Variants in FOXP1 observed in about 807,000 individuals in gnomAD.
FOXP1 encodes forkhead box P1, also known as forkhead box protein P1.
FOXP1 carries 15 observed loss-of-function variants against 98.2 expected under a neutral mutation model. That is an observed-to-expected ratio of 0.15 (90% CI 0.10 to 0.24). The LOEUF (loss-of-function observed/expected upper bound fraction) is 0.24. Ranked by LOEUF, FOXP1 falls within the 10% of genes least tolerant of loss-of-function variation. The pLI is 1.00. For missense variants in FOXP1, 633 were observed against 848.5 expected (o/e 0.75, Z 3.15); for synonymous variants, 371 against 314.5 (o/e 1.18, Z -1.90).
At chr3:71,243,680 G>C (rs374828528) in intron 5 of FOXP1, among the ~76,000 whole-genome samples, 2 of 152,136 alleles carry the variant, frequency 1.3e-5, no homozygotes, top group Admixed American at 1.3e-4. Flanking sequence ...AAAATACATC[G>C]TTGCCAAACA....
chr3:71,513,572 T>C (rs1007915607), intron 2 of FOXP1, among the ~76,000 whole-genome samples: 3 of 152,110 alleles, frequency 2.0e-5, no homozygotes, highest in Admixed American at 1.3e-4. Context: ...TTAAAACTTA[T>C]AGCAGATCAA....
intron 7 of FOXP1, among the ~76,000 whole-genome samples, chr3:71,101,209 C>A (rs1351975279): frequency 6.6e-6 from 1 of 152,100 alleles, no homozygotes. Context: ...ATGACTGTGA[C>A]TAATAAGACC....
intron 3 of FOXP1, among the ~76,000 whole-genome samples, chr3:71,447,150 C>T (rs1269531922): frequency 6.6e-6 from 1 of 152,214 alleles, no homozygotes; most frequent in African/African-American, 2.4e-5. Context: ...TAAATAAATG[C>T]CAGTGATCAT....
chr3:70,975,800 T>G (rs960769316), intron 17 of FOXP1, among the ~76,000 whole-genome samples: 5 of 151,782 alleles, frequency 3.3e-5, no homozygotes, highest in Non-Finnish European at 5.9e-5. Flanking sequence ...CACCAAGAAA[T>G]CAAAAATGGG....
At chr3:71,278,674 AG>A (rs1288316228) in intron 5 of FOXP1, among the ~76,000 whole-genome samples, 2 of 152,146 alleles carry the variant, frequency 1.3e-5, no homozygotes, top group Non-Finnish European at 2.9e-5. Context: ...ACAGCTATGC[AG>A]GAGGCTGAAG....
At chr3:70,962,555 G>A (rs774641611) in intron 20 of FOXP1, among the ~76,000 whole-genome samples, 3 of 152,184 alleles carry the variant, frequency 2.0e-5, no homozygotes, top group Non-Finnish European at 4.4e-5. Context: ...TCAGATTACT[G>A]ACAATGGTGA....
At chr3:71,064,863 G>A (rs1000101151) in intron 7 of FOXP1, 12 of 977,832 alleles carry the variant, frequency 1.2e-5, no homozygotes, top group Non-Finnish European at 1.5e-5. Context: ...GCGGAGCCGG[G>A]CTCGGGGCGC....
rs1256637213 is a variant in FOXP1 at position 71,514,917 on chromosome 3, C to T, written c.-297-21362G>A. On this transcript the variant is annotated intron_variant, in intron 2 of 20. Coordinates refer to ENST00000649528, the MANE Select transcript of FOXP1 (RefSeq NM_001349338.3). ...ACTAACAAGATACCCAGCCCTAAGA[C>T]AAGAAAAACAGTTCAAAGATGCAAA... Among the ~76,000 whole-genome samples the T allele has an allele frequency of 2.0e-5, 3 of 152,052 alleles. No homozygotes were observed. The East Asian group carries it at 5.8e-4, about 29-fold the overall frequency.
At chr3:71,453,264 C>A (rs1057378697) in intron 3 of FOXP1, among the ~76,000 whole-genome samples, 2 of 152,084 alleles carry the variant, frequency 1.3e-5, no homozygotes, top group Admixed American at 6.6e-5. Flanking sequence ...CCAAGACCAG[C>A]CAACTAAACA....
At chr3:71,053,402 T>C (rs1254936209) in intron 8 of FOXP1, among the ~76,000 whole-genome samples, 2 of 152,118 alleles carry the variant, frequency 1.3e-5, no homozygotes, top group Non-Finnish European at 2.9e-5. Context: ...CTGATCTCAG[T>C]CCATCGGGTA....
At chr3:71,345,774 G>A (rs958959321) in intron 4 of FOXP1, among the ~76,000 whole-genome samples, 2 of 150,486 alleles carry the variant, frequency 1.3e-5, no homozygotes, top group Non-Finnish European at 3.0e-5. Context: ...CAGTGCAGAT[G>A]GGGGAGCTGG....
At chr3:71,057,984 C>G (rs1427506115) in intron 7 of FOXP1, among the ~76,000 whole-genome samples, 1 of 152,172 alleles carries the variant, frequency 6.6e-6, no homozygotes, top group Admixed American at 6.5e-5. Context: ...CAAAATGACT[C>G]TCTATCATCT....
chr3:71,044,032 T>A (rs1397196062), intron 10 of FOXP1, among the ~76,000 whole-genome samples: 2 of 152,224 alleles, frequency 1.3e-5, no homozygotes, highest in African/African-American at 4.8e-5. Flanking sequence ...CTCATCACAC[T>A]TAACACAGAA....
chr3:71,243,331 G>T (rs1244303417), intron 5 of FOXP1, among the ~76,000 whole-genome samples: 1 of 152,154 alleles, frequency 6.6e-6, no homozygotes, highest in Non-Finnish European at 1.5e-5. Context: ...CACCTTGACA[G>T]GGCTACAGTG....
At chr3:71,462,567 A>G (rs752260604) in intron 3 of FOXP1, among the ~76,000 whole-genome samples, 22 of 152,204 alleles carry the variant, frequency 1.4e-4, no homozygotes, top group Non-Finnish European at 2.2e-4. Context: ...AAAATAAGTG[A>G]GAACCCATTC....
intron 3 of FOXP1, among the ~76,000 whole-genome samples, chr3:71,400,950 A>ATCCTTCTG (rs2081922051): frequency 6.6e-6 from 1 of 152,196 alleles, no homozygotes; most frequent in Non-Finnish European, 1.5e-5. Context: ...CGTCTCATAA[A>ATCCTTCTG]AACAGAAGGA....
At chr3:71,204,281 A>G (rs1223410509) in intron 5 of FOXP1, among the ~76,000 whole-genome samples, 1 of 152,226 alleles carries the variant, frequency 6.6e-6, no homozygotes, top group Non-Finnish European at 1.5e-5. Flanking sequence ...CAAGCAAACG[A>G]ACTGGTTCCC....
intron 5 of FOXP1, among the ~76,000 whole-genome samples, chr3:71,244,225 A>G (rs2067524454): frequency 6.6e-6 from 1 of 152,162 alleles, no homozygotes; most frequent in African/African-American, 2.4e-5. Context: ...CCATTCTACT[A>G]AAGATGCTGC....
At chr3:71,075,420 A>G (rs1230710086) in intron 7 of FOXP1, among the ~76,000 whole-genome samples, 1 of 152,142 alleles carries the variant, frequency 6.6e-6, no homozygotes, top group African/African-American at 2.4e-5. Flanking sequence ...TCCAAAATTT[A>G]TTTTAGTTTC....
Sources: allele counts gnomAD v4.1 joint callset (sites outside exome capture counted in the v4.1 genomes callset), GRCh38; gene constraint gnomAD v4.1.1; transcripts MANE v1.5; gene names NCBI Gene and HGNC (gene_info 2026-07-23, HGNC 2026-07-21).